The following WWTR1 variants were observed in gnomAD, a reference collection of about 807,000 sequenced individuals.
WWTR1 encodes the protein WW domain-containing transcription regulator protein 1.
In WWTR1, 13 loss-of-function variants were observed where a neutral mutation model predicts 40.1. The ratio of observed to expected loss-of-function variants is 0.32; its 90% CI spans 0.21 to 0.52. The LOEUF (loss-of-function observed/expected upper bound fraction) is 0.52. Among genes scored for constraint, WWTR1 ranks in the 20% least tolerant of loss-of-function variants. The pLI, the probability that WWTR1 is intolerant of heterozygous loss-of-function variation, is 0.97. For synonymous variants in WWTR1, 230 were observed against 210.1 expected, an observed-to-expected ratio of 1.09 and a Z score of -0.82; for missense variants, 436 against 523.1, an observed-to-expected ratio of 0.83 and a Z score of 1.63.
chr3:149,645,800 T>C (rs1449894980), intron 2 of WWTR1, among the ~76,000 whole-genome samples: 4 of 152,056 alleles, frequency 2.6e-5, no homozygotes, highest in Non-Finnish European at 5.9e-5. Context: ...TGAATATTTT[T>C]TTTTTAAATA....
At position 149,657,116 on chromosome 3, in the gene WWTR1, T is replaced by C; in HGVS notation, c.191A>G (p.Gln64Arg). The C allele has an allele frequency of 6.3e-7, 1 of 1,585,552 alleles. No individual in the cohort carries two copies. Among genetic ancestry groups the C allele is most frequent in the Non-Finnish European group, 8.6e-7 (1 of 1,168,358 alleles). Residue 64 changes from glutamine (Q) to arginine (R), a missense_variant, in exon 2 of 7, where the codon CAG (glutamine) becomes CGG (arginine). Transcript: ENST00000360632. The stretch of plus-strand genomic sequence containing the variant: ...GCCGCCCGACGAGTCGGTGCTGGAC[T>C]GGCGCGAGTGCGAGCCCGAATCAGG... ...KEPDSGSHSR[Q>R]SSTDSSGGHP...
chr3:149,719,943 C>T (rs1715717921), intron 4 of WWTR1, among the ~76,000 whole-genome samples: 1 of 152,152 alleles, frequency 6.6e-6, no homozygotes, highest in African/African-American at 2.4e-5. Context: ...TATTCAAGTC[C>T]TTCACCCATT....
chr3:149,631,718 T>C (rs913358112), intron 2 of WWTR1, among the ~76,000 whole-genome samples: 1 of 152,102 alleles, frequency 6.6e-6, no homozygotes, highest in Non-Finnish European at 1.5e-5. Flanking sequence ...AATGACCTGA[T>C]GGGGTAGTGA....
Position 149,518,372 on chromosome 3 carries a change from C to A in WWTR1, c.*2433G>T, listed in dbSNP as rs566002973. On this transcript the variant is annotated 3_prime_UTR_variant, in exon 7 of 7. Transcript: ENST00000360632. ...ATCTGTTTCTCTTACATTTAATAAC[C>A]TGAAAATGAGTCTATAAAAATATTT... The A allele has an allele frequency of 6.6e-6, 1 of 152,018 alleles. No homozygotes were observed. Among genetic ancestry groups the A allele is most frequent in the South Asian group, 2.1e-4 (1 of 4,818 alleles). 9.4% of individuals were successfully genotyped at this position (152,018 alleles called of 1,614,324 possible).
At chr3:149,598,896 T>C in intron 2 of WWTR1, among the ~76,000 whole-genome samples, 1 of 152,232 alleles carries the variant, frequency 6.6e-6, no homozygotes, top group East Asian at 1.9e-4. Context: ...ATCATTTGCT[T>C]ATTTTTTTTA....
chr3:149,706,293 T>C (rs768685833), upstream of WWTR1, among the ~76,000 whole-genome samples: 1 of 152,214 alleles, frequency 6.6e-6, no homozygotes, highest in Non-Finnish European at 1.5e-5. Context: ...TAAATATTTG[T>C]AAACCTTAGT....
At chr3:149,545,030 G>T (rs1317695786) in intron 3 of WWTR1, among the ~76,000 whole-genome samples, 1 of 152,118 alleles carries the variant, frequency 6.6e-6, no homozygotes, top group African/African-American at 2.4e-5. Flanking sequence ...ACGATCTGAT[G>T]AATGAATAAA....
intron 2 of WWTR1, among the ~76,000 whole-genome samples, chr3:149,647,157 C>A (rs1211784770): frequency 6.6e-6 from 1 of 151,924 alleles, no homozygotes; most frequent in Non-Finnish European, 1.5e-5. Context: ...CAAAGAGTTT[C>A]TCTGAAAAAA....
chr3:149,636,966 G>GAAAAAAAAAA (rs397950107), intron 2 of WWTR1, among the ~76,000 whole-genome samples: 2 of 43,306 alleles, frequency 4.6e-5, no homozygotes, highest in Admixed American at 3.8e-4. Flanking sequence ...TGTCTCAAGT[G>GAAAAAAAAAA]AAAAAAAAAA....
intron 1 of WWTR1, among the ~76,000 whole-genome samples, chr3:149,689,842 T>C (rs1462592606): frequency 6.6e-6 from 1 of 152,104 alleles, no homozygotes; most frequent in Admixed American, 6.5e-5. Flanking sequence ...TTGTGGTGTA[T>C]AAACTACTCA....
chr3:149,541,750 T>G (rs1736110136), intron 4 of WWTR1, among the ~76,000 whole-genome samples: 2 of 152,162 alleles, frequency 1.3e-5, no homozygotes, highest in South Asian at 4.2e-4. Context: ...TGCTATGGAA[T>G]GAGTACCACT....
intron 2 of WWTR1, among the ~76,000 whole-genome samples, chr3:149,623,584 T>C (rs1202069384): frequency 6.6e-6 from 1 of 152,218 alleles, no homozygotes; most frequent in African/African-American, 2.4e-5. Context: ...AATTAATCCA[T>C]TTTTTGTCCA....
chr3:149,652,499 T>G (rs562718634), intron 2 of WWTR1, among the ~76,000 whole-genome samples: 1 of 150,452 alleles, frequency 6.6e-6, no homozygotes, highest in Non-Finnish European at 1.5e-5. Context: ...GGTGCAAACC[T>G]ATAGTCGTAG....
intron 4 of WWTR1, among the ~76,000 whole-genome samples, chr3:149,720,175 T>C (rs1248031178): frequency 6.6e-6 from 1 of 152,206 alleles, no homozygotes; most frequent in Non-Finnish European, 1.5e-5. Flanking sequence ...TTTGGTGTCA[T>C]CACACAAAAT....
intron 3 of WWTR1, among the ~76,000 whole-genome samples, chr3:149,568,551 A>AAAAAAAAAAAAAC: frequency 1.4e-5 from 1 of 72,266 alleles, no homozygotes; most frequent in Non-Finnish European, 2.8e-5. Flanking sequence ...AAAAAAAAAA[A>AAAAAAAAAAAAAC]AAAAAAAAAC....
At chr3:149,714,548 T>C (rs1715556422) in intron 5 of WWTR1, among the ~76,000 whole-genome samples, 1 of 152,244 alleles carries the variant, frequency 6.6e-6, no homozygotes, top group South Asian at 2.1e-4. Context: ...CTGCCCTCTC[T>C]GGACTTTGGG....
At chr3:149,721,951 CT>C (rs1715766960) in intron 4 of WWTR1, among the ~76,000 whole-genome samples, 1 of 152,120 alleles carries the variant, frequency 6.6e-6, no homozygotes, top group African/African-American at 2.4e-5. Flanking sequence ...TTTTCTATTT[CT>C]TTGTGGCTTA....
chr3:149,586,177 T>C (rs1576579963), intron 2 of WWTR1, among the ~76,000 whole-genome samples: 1 of 152,250 alleles, frequency 6.6e-6, no homozygotes, highest in South Asian at 2.1e-4. Flanking sequence ...TTTGTGCGTA[T>C]ATAACTTTTT....
At chr3:149,526,153 A>C (rs780110457) in intron 5 of WWTR1, 28 bp from the exon 6 acceptor site, 2 of 1,502,450 alleles carry the variant, frequency 1.3e-6, no homozygotes, top group Non-Finnish European at 1.8e-6. Flanking sequence ...AAGAAACTTC[A>C]ATATGAGCCC....
Sources: allele counts gnomAD v4.1 joint callset (sites outside exome capture counted in the v4.1 genomes callset), GRCh38; gene constraint gnomAD v4.1.1; transcripts MANE v1.5; gene names NCBI Gene and HGNC (gene_info 2026-07-23, HGNC 2026-07-21).